The following FOXP1 variants were observed in gnomAD, a reference collection of about 807,000 sequenced individuals.
The protein encoded by FOXP1 is forkhead box protein P1.
A neutral mutation model predicts 98.2 loss-of-function variants in FOXP1; 15 were observed. The observed-to-expected ratio is 0.15, with a 90% confidence interval of 0.10 to 0.24. FOXP1 has a LOEUF of 0.24. FOXP1 is among the 10% of genes least tolerant of loss of function. The pLI is 1.00. For synonymous variants in FOXP1, 371 were observed against 314.5 expected (o/e 1.18, Z -1.90); for missense variants, 633 against 848.5 (o/e 0.75, Z 3.15).
intron 3 of FOXP1, among the ~76,000 whole-genome samples, chr3:71,381,073 C>T (rs1277336514): frequency 3.3e-5 from 5 of 152,096 alleles, no homozygotes; most frequent in African/African-American, 7.2e-5. Flanking sequence ...TTGACCTGGT[C>T]GTCCCTTCTT....
intron 6 of FOXP1, among the ~76,000 whole-genome samples, chr3:71,146,046 G>A (rs572078893): frequency 6.6e-6 from 1 of 152,334 alleles, no homozygotes; most frequent in African/African-American, 2.4e-5. Context: ...ACTAGGAAAT[G>A]AAAAATGCAA....
intron 7 of FOXP1, among the ~76,000 whole-genome samples, chr3:71,106,180 C>G (rs1252575527): frequency 6.6e-6 from 1 of 152,168 alleles, no homozygotes; most frequent in East Asian, 1.9e-4. Context: ...AAGGAGCTGG[C>G]CCACGTTCAG....
At chr3:71,062,765 A>T (rs2051718955) in intron 7 of FOXP1, among the ~76,000 whole-genome samples, 1 of 152,234 alleles carries the variant, frequency 6.6e-6, no homozygotes, top group African/African-American at 2.4e-5. Flanking sequence ...AAAGTTCTTA[A>T]GGCAAACGGG....
At chr3:71,140,846 T>C (rs987850005) in intron 6 of FOXP1, among the ~76,000 whole-genome samples, 3 of 151,798 alleles carry the variant, frequency 2.0e-5, no homozygotes, top group Admixed American at 1.3e-4. Context: ...AAGCCAGGCA[T>C]GGGGCAACCG....
chr3:71,166,529 ACTT>A (rs1182042212), intron 6 of FOXP1, among the ~76,000 whole-genome samples: 3 of 152,034 alleles, frequency 2.0e-5, no homozygotes, highest in African/African-American at 7.3e-5. Context: ...ATCTGTTTAA[ACTT>A]CTTGTTTATT....
rs569306510 is a variant in FOXP1 at position 70,978,040 on chromosome 3, A to G, written c.1147-11T>C. On this transcript the variant is annotated splice_polypyrimidine_tract_variant and intron_variant, in intron 14 of 20. Transcript: ENST00000649528. ...TGATACCAGATTCAACTGCAAGGAA[A>G]AAAACAACGTCTTAGAAGACCTTCA... The G allele has an allele frequency of 4.3e-6, 7 of 1,613,046 alleles. No homozygotes were observed. In the African/African-American group the frequency reaches 8.0e-5, roughly 18 times the overall value.
chr3:71,342,110 C>T (rs2077043930), intron 4 of FOXP1, among the ~76,000 whole-genome samples: 1 of 152,176 alleles, frequency 6.6e-6, no homozygotes, highest in South Asian at 2.1e-4. Flanking sequence ...GCTACTAAAT[C>T]TTTGGGTTAC....
At chr3:71,063,472 T>C (rs2051830764) in intron 7 of FOXP1, among the ~76,000 whole-genome samples, 1 of 152,224 alleles carries the variant, frequency 6.6e-6, no homozygotes, top group African/African-American at 2.4e-5. Context: ...ATAAACCACC[T>C]CTGATTGCAT....
intron 6 of FOXP1, among the ~76,000 whole-genome samples, chr3:71,142,961 A>AAAGGG (rs1190918070): frequency 6.6e-6 from 1 of 151,626 alleles, no homozygotes; most frequent in Non-Finnish European, 1.5e-5. Context: ...GGCAGGAAAG[A>AAAGGG]AAGGGCAGGG....
chr3:70,993,820 C>A (rs1047069295), intron 13 of FOXP1, among the ~76,000 whole-genome samples: 2 of 151,894 alleles, frequency 1.3e-5, no homozygotes, highest in African/African-American at 4.8e-5. Context: ...CATGATGAAA[C>A]CTGTCTCTAC....
chr3:71,002,376 C>G (rs79244141), intron 12 of FOXP1, among the ~76,000 whole-genome samples: 2,344 of 152,262 alleles, frequency 0.015, 67 homozygotes, highest in African/African-American at 0.05. Context: ...TTATGGTGAA[C>G]AACAGTGATG....
intron 3 of FOXP1, among the ~76,000 whole-genome samples, chr3:71,373,412 A>G (rs1439504873): frequency 3.3e-5 from 5 of 152,222 alleles, no homozygotes; most frequent in Admixed American, 6.5e-5. Context: ...AAATGACATG[A>G]GTTGTACCTG....
chr3:71,423,651 T>C (rs996467972), intron 3 of FOXP1, among the ~76,000 whole-genome samples: 2 of 152,212 alleles, frequency 1.3e-5, no homozygotes, highest in East Asian at 3.8e-4. Context: ...TAGCTGGCCA[T>C]GGGGCCAACA....
chr3:71,426,717 C>A (rs896198711), intron 3 of FOXP1, among the ~76,000 whole-genome samples: 6 of 152,170 alleles, frequency 3.9e-5, no homozygotes, highest in African/African-American at 7.2e-5. Context: ...TTAAAAATTA[C>A]CTTCTTGGGA....
intron 3 of FOXP1, among the ~76,000 whole-genome samples, chr3:71,485,727 C>A (rs1470721012): frequency 6.6e-6 from 1 of 151,400 alleles, no homozygotes; most frequent in African/African-American, 2.4e-5. Flanking sequence ...CAAGATCATA[C>A]CACATACCAC....
intron 5 of FOXP1, among the ~76,000 whole-genome samples, chr3:71,232,187 A>G (rs1369490487): frequency 6.6e-6 from 1 of 152,250 alleles, no homozygotes; most frequent in Non-Finnish European, 1.5e-5. Flanking sequence ...ATGTGCCACT[A>G]TTTATTAATA....
rs1024858500 is a variant in FOXP1, at chr3:70,955,715, A to G, written c.*3532T>C. On this transcript the variant is annotated 3_prime_UTR_variant, in exon 21 of 21. Transcript: ENST00000649528. ...AGCAGGAGAAAACATTTTTTAAACA[A>G]CATTTTTTTTTCTTTTCAAATGTAT... 4.3e-6 allele frequency: 1 copy of G among 233,424 alleles called. No homozygotes were observed. The highest frequency in any genetic ancestry group is 8.5e-6 in the Non-Finnish European group (1 of 118,046). 14.5% of individuals were successfully genotyped at this position (233,424 alleles called of 1,614,324 possible).
intron 3 of FOXP1, among the ~76,000 whole-genome samples, chr3:71,486,371 T>C (rs1056354897): frequency 6.6e-6 from 1 of 152,216 alleles, no homozygotes; most frequent in Non-Finnish European, 1.5e-5. Flanking sequence ...AAAGATTTTA[T>C]CTCATGAGCC....
intron 14 of FOXP1, among the ~76,000 whole-genome samples, chr3:70,978,236 T>C (rs1303453871): frequency 1.3e-5 from 2 of 152,200 alleles, no homozygotes; most frequent in African/African-American, 4.8e-5. Flanking sequence ...AGCGGTCTCT[T>C]TTCCAAAGGC....
Sources: allele counts gnomAD v4.1 joint callset (sites outside exome capture counted in the v4.1 genomes callset), GRCh38; gene constraint gnomAD v4.1.1; transcripts MANE v1.5; gene names NCBI Gene and HGNC (gene_info 2026-07-23, HGNC 2026-07-21).